ECT2L: variants seen among roughly 807,000 people sequenced by gnomAD.
ECT2L encodes the protein epithelial cell transforming 2 like, also known as epithelial cell-transforming sequence 2 oncogene-like.
A neutral mutation model predicts 122.8 loss-of-function variants in ECT2L; 126 were observed. The ratio of observed to expected loss-of-function variants is 1.03; its 90% CI spans 0.89 to 1.19. The LOEUF (loss-of-function observed/expected upper bound fraction) is 1.19. ECT2L is among the 50% of genes most tolerant of loss of function. The probability of loss-of-function intolerance (pLI) is 0.00; values close to 1 mark genes in which losing one functional copy is unlikely to be tolerated. For missense variants in ECT2L, 1,012 were observed against 1,064.1 expected (o/e 0.95, Z 0.68); for synonymous variants, 385 against 381.8 (o/e 1.01, Z -0.10).
intron 1 of ECT2L, among the ~76,000 whole-genome samples, chr6:138,799,098 A>G (rs1278565408): frequency 3.3e-5 from 5 of 152,164 alleles, no homozygotes; most frequent in Non-Finnish European, 1.5e-5. Context: ...CGAATCGTCC[A>G]TTGCTCAATT....
intron 13 of ECT2L, among the ~76,000 whole-genome samples, chr6:138,875,288 C>A (rs1426620704): frequency 1.3e-5 from 2 of 152,224 alleles, no homozygotes; most frequent in Admixed American, 1.3e-4. Context: ...GGTTTGCAGA[C>A]CAGGGTTCTT....
Position 138,902,527 on chromosome 6 carries a change from G to A in ECT2L, c.2615G>A (p.Gly872Asp), listed in dbSNP as rs374898524. The A allele has an allele frequency of 7.4e-5, 119 of 1,613,386 alleles. 2 individuals carry two copies. The South Asian group carries it at 7.8e-4, about 11-fold the overall frequency. The change falls in exon 22 of 22, where the codon GGT becomes GAT. Residue 872 changes from glycine to aspartate, a missense_variant. Physicochemically the swap from Gly to Asp is moderately conservative, Grantham distance 94. Transcript: ENST00000541398. ...KYVKNAFILQ[G>D]PKYKWICATE... ...GTCAAGAATGCATTTATTCTTCAGG[G>A]TCCAAAATATAAATGGATTTGTGCT...
intron 11 of ECT2L, among the ~76,000 whole-genome samples, chr6:138,863,679 G>C (rs943924094): frequency 4.0e-5 from 6 of 151,058 alleles, no homozygotes; most frequent in African/African-American, 1.5e-4. Context: ...GCACGTTCTC[G>C]ATCTAGGCTC....
intron 9 of ECT2L, among the ~76,000 whole-genome samples, 156 bp downstream of exon 9, chr6:138,849,590 T>A (rs866938214): frequency 0.012 from 1,737 of 149,146 alleles, 24 homozygotes; most frequent in African/African-American, 0.03. Context: ...TTTTTTTTTT[T>A]AATTCAGGGT....
intron 8 of ECT2L, among the ~76,000 whole-genome samples, chr6:138,848,483 A>G (rs936829436): frequency 1.3e-5 from 2 of 152,224 alleles, no homozygotes; most frequent in Non-Finnish European, 2.9e-5. Flanking sequence ...GTGTATATGT[A>G]TGTATATATG....
chr6:138,858,757 G>A (rs1230275465), intron 10 of ECT2L, among the ~76,000 whole-genome samples: 1 of 133,706 alleles, frequency 7.5e-6, no homozygotes, highest in Non-Finnish European at 1.5e-5. Context: ...CTAGGCTGGA[G>A]TGCAGTGATG....
chr6:138,816,777 G>A (rs1054877813), intron 4 of ECT2L, among the ~76,000 whole-genome samples: 30 of 152,164 alleles, frequency 2.0e-4, no homozygotes, highest in African/African-American at 6.3e-4. Context: ...GAGCCGCCGC[G>A]CCCGGCCTAA....
At chr6:138,819,952 A>C (rs9321676) in intron 4 of ECT2L, among the ~76,000 whole-genome samples, 93,106 of 151,942 alleles carry the variant, frequency 0.61, 28,646 homozygotes, top group Middle Eastern at 0.69. Flanking sequence ...TACTTTGCAT[A>C]ATTCAAGTTT....
At chr6:138,798,940 G>A (rs1436739189) in intron 1 of ECT2L, among the ~76,000 whole-genome samples, 30 of 152,126 alleles carry the variant, frequency 2.0e-4, no homozygotes. Context: ...TAAGGCAAAT[G>A]CTGAGCTGTA....
At chr6:138,885,460 T>A in intron 16 of ECT2L, 46 bp from the exon 17 acceptor site, 1 of 1,592,602 alleles carries the variant, frequency 6.3e-7, no homozygotes, top group South Asian at 1.1e-5. Context: ...CAGTGGACTT[T>A]ACAACTATCT....
chr6:138,797,725 G>A (rs1207088958), intron 1 of ECT2L, among the ~76,000 whole-genome samples: 1 of 151,928 alleles, frequency 6.6e-6, no homozygotes, highest in African/African-American at 2.4e-5. Context: ...AAAATGTATG[G>A]GAATTTCTTC....
intron 21 of ECT2L, among the ~76,000 whole-genome samples, chr6:138,901,388 G>A (rs1021452398): frequency 9.2e-5 from 14 of 152,294 alleles, no homozygotes; most frequent in African/African-American, 2.4e-4. Context: ...CCCTATTTCC[G>A]TTCTTTGAAG....
At chr6:138,875,626 T>C (rs751290713) in intron 13 of ECT2L, among the ~76,000 whole-genome samples, 55 of 152,180 alleles carry the variant, frequency 3.6e-4, no homozygotes, top group Non-Finnish European at 6.8e-4. Flanking sequence ...ACAGCAAGAA[T>C]AGTTAACAAG....
chr6:138,873,872 CTG>C (rs57839466), intron 13 of ECT2L, among the ~76,000 whole-genome samples: 910 of 71,264 alleles, frequency 0.013, 2 homozygotes, highest in South Asian at 0.034. Context: ...AAATCCAGGA[CTG>C]TGTGTGTGTG....
intron 4 of ECT2L, among the ~76,000 whole-genome samples, chr6:138,824,980 T>C (rs544039301): frequency 2.5e-4 from 38 of 152,302 alleles, no homozygotes; most frequent in Admixed American, 1.8e-3. Flanking sequence ...AGTATGTGTG[T>C]GTGCATGCAT....
At chr6:138,800,159 G>A (rs879747092) in intron 1 of ECT2L, among the ~76,000 whole-genome samples, 1 of 152,138 alleles carries the variant, frequency 6.6e-6, no homozygotes, top group Non-Finnish European at 1.5e-5. Flanking sequence ...TTTTCAGAGC[G>A]AGATAACAAA....
At chr6:138,833,759 G>A (rs553229295) in intron 4 of ECT2L, among the ~76,000 whole-genome samples, 4 of 151,996 alleles carry the variant, frequency 2.6e-5, no homozygotes, top group South Asian at 4.2e-4. Context: ...CAGAGATCAC[G>A]CCACAGTACT....
chr6:138,890,448 T>G (rs950865366), intron 20 of ECT2L, among the ~76,000 whole-genome samples: 67 of 148,316 alleles, frequency 4.5e-4, no homozygotes, highest in African/African-American at 1.5e-3. Context: ...AATCACACAA[T>G]ATGTCACTTT....
At chr6:138,861,191 A>G (rs763461162) in intron 10 of ECT2L, among the ~76,000 whole-genome samples, 1 of 152,102 alleles carries the variant, frequency 6.6e-6, no homozygotes, top group Non-Finnish European at 1.5e-5. Context: ...ATAAACATAC[A>G]TGTTCATGTG....
Sources: allele counts gnomAD v4.1 joint callset (sites outside exome capture counted in the v4.1 genomes callset), GRCh38; gene constraint gnomAD v4.1.1; transcripts MANE v1.5; gene names NCBI Gene and HGNC (gene_info 2026-07-23, HGNC 2026-07-21).